USP30: variants seen among roughly 807,000 people sequenced by gnomAD.
The protein encoded by USP30 is ubiquitin carboxyl-terminal hydrolase 30.
Under a neutral mutation model 68.2 loss-of-function variants are expected in USP30, and 41 were observed. That is an observed-to-expected ratio of 0.60 (90% CI 0.47 to 0.78). The LOEUF (loss-of-function observed/expected upper bound fraction) is 0.78, where lower values mean the gene tolerates loss of function less well. USP30 is among the 30% of genes least tolerant of loss of function. The pLI, the probability that USP30 is intolerant of heterozygous loss-of-function variation, is 0.00. For missense variants in USP30, 522 were observed against 649.4 expected, an observed-to-expected ratio of 0.80 and a Z score of 2.13; for synonymous variants, 229 against 253.7, an observed-to-expected ratio of 0.90 and a Z score of 0.93.
Position 109,085,014 on chromosome 12 carries a change from T to G in USP30, c.1230T>G (p.Ser410=). ...TTATGAATGGCGCCTGCTCCCCATC[T>G]TTATTGCCAACGCTGTCAGCGCCGA... is the stretch of plus-strand genomic sequence containing the variant. ...QIFMNGACSP[S]LLPTLSAPMP... Residue 410 remains serine (S), a synonymous_variant, in exon 12 of 13, where the codon TCT becomes TCG. Transcript: ENST00000257548. 1 of 1,607,312 alleles carries G rather than the reference T, an allele frequency of 6.2e-7. No homozygotes were observed. Among genetic ancestry groups the G allele is most frequent in the Non-Finnish European group, 8.5e-7 (1 of 1,176,024 alleles).
intron 3 of USP30, among the ~76,000 whole-genome samples, chr12:109,061,954 G>C (rs1566090129): frequency 6.6e-6 from 1 of 151,856 alleles, no homozygotes; most frequent in Non-Finnish European, 1.5e-5. Flanking sequence ...TTTTTGTTTT[G>C]TTTTTTGGAG....
intron 2 of USP30, 107 bp from the exon 3 acceptor site, chr12:109,057,819 G>A (rs935313074): frequency 3.3e-5 from 41 of 1,243,882 alleles, no homozygotes; most frequent in Non-Finnish European, 4.1e-5. Context: ...TTCTTGGATC[G>A]GGATTCCAAA....
rs569363473 is a variant in USP30, at chr12:109,087,049, T to C, written c.*1118T>C. On this transcript the variant is annotated 3_prime_UTR_variant, in exon 13 of 13. Transcript: ENST00000257548. ...CAGCTGGCATCTAGTATTGTCATGT[T>C]GCTCTAGGTCCATATTCTGAATTTA... The C allele has an allele frequency of 3.3e-5, 5 of 152,140 alleles. No individual in the cohort carries two copies. Among genetic ancestry groups the C allele is most frequent in the Non-Finnish European group, 7.3e-5 (5 of 68,032 alleles). The allele number at this position is 152,140 out of a possible 1,614,324, so 9.4% of individuals were successfully genotyped here.
chr12:109,078,843 A>G (rs1428271522), intron 7 of USP30, among the ~76,000 whole-genome samples: 2 of 152,200 alleles, frequency 1.3e-5, no homozygotes, highest in African/African-American at 2.4e-5. Flanking sequence ...TGCTGGATAT[A>G]GAACTTTGGG....
intron 3 of USP30, among the ~76,000 whole-genome samples, chr12:109,063,959 G>T (rs768606292): frequency 1.4e-5 from 2 of 144,826 alleles, no homozygotes; most frequent in Non-Finnish European, 3.0e-5. Flanking sequence ...TGCGACCTCC[G>T]CCTCCTGAGT....
At position 109,087,986 on chromosome 12, in the gene USP30, T is replaced by C; in HGVS notation, c.*2055T>C. On this transcript the variant is annotated 3_prime_UTR_variant, in exon 13 of 13. Coordinates refer to ENST00000257548, the MANE Select transcript of USP30 (RefSeq NM_032663.5). ...TAAAGGTACTTTTGTATCTGCTGTGTATTATAGCAATAAAATAATCATTTT... is the reference window on the plus strand; with the variant it reads ...TAAAGGTACTTTTGTATCTGCTGTGCATTATAGCAATAAAATAATCATTTT... 1 of 447,766 alleles carries C rather than the reference T, an allele frequency of 2.2e-6. No individual in the cohort carries two copies. Among genetic ancestry groups the C allele is most frequent in the South Asian group, 3.6e-5 (1 of 27,646 alleles). The allele number at this position is 447,766 out of a possible 1,614,324, so 27.7% of individuals were successfully genotyped here. A position where few individuals can be genotyped will look rare whatever the true frequency, so the allele number is the denominator to read the frequency against.
Position 109,082,870 on chromosome 12 carries a change from C to T in USP30, c.976C>T (p.Gln326Ter), listed in dbSNP as rs763900031. Residue 326 changes from glutamine (Q) to a stop codon, truncating the protein, a stop_gained, in exon 11 of 13, where the codon CAG (glutamine) becomes TAG (stop). Coordinates refer to ENST00000257548, the MANE Select transcript of USP30 (RefSeq NM_032663.5). LOFTEE classifies it high-confidence loss of function. ...CCCTCAGTGTCTCTGCATCCACCTACAGCGGCTGAGCTGGTCCAGCCACGG... is the reference window on the plus strand; with the variant it reads ...CCCTCAGTGTCTCTGCATCCACCTATAGCGGCTGAGCTGGTCCAGCCACGG... The part of the protein sequence containing the change: ...KLPQCLCIHL[Q>*]RLSWSSHGTP... The T allele has an allele frequency of 1.2e-5, 20 of 1,614,076 alleles. No homozygotes were observed. Among genetic ancestry groups the T allele is most frequent in the Non-Finnish European group, 1.7e-5 (20 of 1,179,996 alleles).
intron 1 of USP30, among the ~76,000 whole-genome samples, chr12:109,023,509 C>T (rs946306457): frequency 2.0e-5 from 3 of 151,962 alleles, no homozygotes; most frequent in South Asian, 2.1e-4. Flanking sequence ...GAGCTGAGAT[C>T]GCGCCACTGC....
At chr12:109,085,107 T>A (rs751954827) in intron 12 of USP30, 34 bp downstream of exon 12, 1 of 1,460,908 alleles carries the variant, frequency 6.8e-7, no homozygotes, top group Admixed American at 2.3e-5. Context: ...ATCTTAGAGC[T>A]ACCACTGCTC....
rs549731950 is a variant in USP30 at position 109,056,888 on chromosome 12, G to T, written c.193+97G>T. 5.3e-6 allele frequency: 4 copies of T among 750,236 alleles called. No homozygotes were observed. The East Asian group carries it at 1.2e-4, about 22-fold the overall frequency. 46.5% of individuals were successfully genotyped at this position (750,236 alleles called of 1,614,324 possible). A position where few individuals can be genotyped will look rare whatever the true frequency, so the allele number is the denominator to read the frequency against. On this transcript the variant is annotated intron_variant, in intron 2 of 12. Transcript: ENST00000257548. ...GAAGGTGGGGAGGTTGGTCATATTT[G>T]TTCTCTGTATCTTTAAAATTAGGAT...
intron 8 of USP30, chr12:109,081,660 C>CACAG: frequency 1.8e-6 from 1 of 565,536 alleles, no homozygotes; most frequent in South Asian, 2.1e-5. Context: ...CACACACACA[C>CACAG]ACAGACATTA....
intron 3 of USP30, among the ~76,000 whole-genome samples, chr12:109,038,490 T>C (rs907217417): frequency 1.3e-5 from 2 of 152,220 alleles, no homozygotes; most frequent in Non-Finnish European, 2.9e-5. Context: ...CTTTTAAGCT[T>C]TTTGCTAGTC....
chr12:109,037,880 T>G (rs1860864387), intron 3 of USP30, among the ~76,000 whole-genome samples: 1 of 152,138 alleles, frequency 6.6e-6, no homozygotes. Context: ...TGTGAGAACT[T>G]AGGGCCTTCT....
chr12:109,064,730 G>GA (rs1415998967), intron 3 of USP30, among the ~76,000 whole-genome samples: 1 of 152,048 alleles, frequency 6.6e-6, no homozygotes, highest in Non-Finnish European at 1.5e-5. Context: ...ATTTCTCTAG[G>GA]AAAAAAATTG....
chr12:109,042,165 A>G (rs533797496), intron 3 of USP30, among the ~76,000 whole-genome samples: 2 of 149,600 alleles, frequency 1.3e-5, no homozygotes, highest in African/African-American at 2.5e-5. Context: ...GTATTAGCTG[A>G]CCTTCTTTTT....
At chr12:109,072,186 A>G (rs982300210) in intron 5 of USP30, 119 bp from the exon 6 acceptor site, 1 of 841,336 alleles carries the variant, frequency 1.2e-6, no homozygotes, top group African/African-American at 1.7e-5. Flanking sequence ...GCTTTGTTAA[A>G]AGTTGATTTT....
intron 7 of USP30, among the ~76,000 whole-genome samples, chr12:109,079,646 G>C (rs1437171760): frequency 6.6e-6 from 1 of 151,982 alleles, no homozygotes; most frequent in Non-Finnish European, 1.5e-5. Context: ...GATTACAGGT[G>C]TGAGCCACCA....
At chr12:109,081,494 C>T (rs2041793123) in intron 8 of USP30, 101 bp downstream of exon 8, 1 of 1,201,882 alleles carries the variant, frequency 8.3e-7, no homozygotes, top group Admixed American at 1.9e-5. Context: ...ATGTGTAATT[C>T]AGATACATGG....
chr12:109,080,194 TCTC>T (rs1242865276), intron 7 of USP30, among the ~76,000 whole-genome samples: 1 of 152,110 alleles, frequency 6.6e-6, no homozygotes, highest in East Asian at 1.9e-4. Context: ...CCCCTCTGTG[TCTC>T]CTTTCTTCCT....
Sources: gnomAD v4.1 joint callset for allele counts (sites outside exome capture counted in the v4.1 genomes callset) on GRCh38, gnomAD v4.1.1 for gene constraint, MANE v1.5 for transcripts, NCBI Gene and HGNC (gene_info 2026-07-23, HGNC 2026-07-21) for gene names.